The following ORC2 variants were observed in gnomAD, a reference collection of about 807,000 sequenced individuals.
ORC2 encodes origin recognition complex subunit 2.
ORC2 carries 37 observed loss-of-function variants against 77.7 expected under a neutral mutation model. The observed-to-expected ratio is 0.48, with a 90% CI of 0.37 to 0.63. The LOEUF is 0.63. Ranked by LOEUF, ORC2 falls within the 20% of genes least tolerant of loss-of-function variation. The pLI is 0.00. For missense variants in ORC2, 557 were observed against 661.9 expected, an observed-to-expected ratio of 0.84 and a Z score of 1.74; for synonymous variants, 201 against 229.5, an observed-to-expected ratio of 0.88 and a Z score of 1.12.
At chr2:200,924,854 G>A (rs1049910512) in intron 13 of ORC2, among the ~76,000 whole-genome samples, 1 of 152,036 alleles carries the variant, frequency 6.6e-6, no homozygotes, top group Non-Finnish European at 1.5e-5. Flanking sequence ...TGCCTCCCGG[G>A]CTCAAGCAAT....
intron 4 of ORC2, among the ~76,000 whole-genome samples, chr2:200,953,006 G>A (rs971717392): frequency 6.6e-6 from 1 of 151,284 alleles, no homozygotes; most frequent in African/African-American, 2.4e-5. Context: ...CAGCTACTCA[G>A]GAGGCTTAGG....
rs773669787 is a variant in ORC2 at position 200,954,883 on chromosome 2, GGAAT to G, written c.238+2514_238+2517del. The stretch of plus-strand genomic sequence containing the variant: ...AATAAGGCAAAGTTCCCCAGTGTGA[GGAAT>G]GAATGAATGAATGAATGAATAAATA... On this transcript the variant is annotated intron_variant, in intron 4 of 17. Transcript: ENST00000234296. Among the ~76,000 whole-genome samples the G allele has an allele frequency of 5.1e-3, 737 of 143,740 alleles. 7 individuals are homozygous for G. Among genetic ancestry groups the G allele is most frequent in the African/African-American group, 0.014 (558 of 38,636 alleles). 94.3% of individuals were successfully genotyped at this position (143,740 alleles called of 152,430 possible).
chr2:200,957,328 C>T, intron 4 of ORC2, 73 bp downstream of exon 4: 1 of 1,102,734 alleles, frequency 9.1e-7, no homozygotes, highest in Non-Finnish European at 1.3e-6. Flanking sequence ...ACCTACCAGA[C>T]TACTTTTGTG....
rs764397319 is a variant in ORC2, at chr2:200,926,950, G to A, written c.918-50C>T. ...AAATTAAACTTCAATACCTCTTATTGCCAATTTTATTATCAACCAGTTTCC... is the reference window on the plus strand; with the variant it reads ...AAATTAAACTTCAATACCTCTTATTACCAATTTTATTATCAACCAGTTTCC... On this transcript the variant is annotated intron_variant, in intron 11 of 17. Coordinates refer to ENST00000234296, the MANE Select transcript of ORC2 (RefSeq NM_006190.5). 4.5e-6 allele frequency: 7 copies of A among 1,552,280 alleles called. No homozygotes were observed. In the Admixed American group the frequency reaches 1.2e-4, roughly 27 times the overall value.
At chr2:200,948,437 T>A (rs999817148) in intron 5 of ORC2, among the ~76,000 whole-genome samples, 5 of 152,206 alleles carry the variant, frequency 3.3e-5, no homozygotes, top group African/African-American at 4.8e-5. Flanking sequence ...AACTGAAGTG[T>A]TAATTGGTAT....
intron 11 of ORC2, among the ~76,000 whole-genome samples, chr2:200,929,255 A>G (rs548620453): frequency 6.6e-6 from 1 of 152,294 alleles, no homozygotes; most frequent in Non-Finnish European, 1.5e-5. Flanking sequence ...CCAGCCAAGA[A>G]TGAGCATTTA....
At position 200,915,300 on chromosome 2, in the gene ORC2, A is replaced by C. The variant is rs181561855; in HGVS notation, c.1467-1308T>G. On this transcript the variant is annotated intron_variant, in intron 15 of 17. Transcript: ENST00000234296. ...TTCCCATGTCTTTAAAACTTCTCCT[A>C]AACAAGTTTTTCTTTTCTTTTTTTT... Among the ~76,000 whole-genome samples the C allele has an allele frequency of 1.3e-4, 20 of 151,578 alleles. No individual in the cohort carries two copies. The East Asian group carries it at 3.5e-3, about 26-fold the overall frequency.
At chr2:200,955,778 C>T (rs574521359) in intron 4 of ORC2, among the ~76,000 whole-genome samples, 2 of 152,302 alleles carry the variant, frequency 1.3e-5, no homozygotes, top group East Asian at 3.9e-4. Context: ...ATATTGATTT[C>T]TTTCCTTTGT....
In ORC2 at chr2:200,935,587, T is replaced by C. The variant is rs910000743; in HGVS notation, c.708+112A>G. 8 of 777,874 alleles carry C rather than the reference T, an allele frequency of 1.0e-5. No individual in the cohort carries two copies. The African/African-American group carries it at 1.4e-4, about 14-fold the overall frequency. The allele number at this position is 777,874 out of a possible 1,614,324, so 48.2% of individuals were successfully genotyped here. The stretch of plus-strand genomic sequence containing the variant: ...ATTTATGTGGAAGGCTGAGAAAATA[T>C]AGAAAAGTGAAGAAAAAATATTATT... On this transcript the variant is annotated intron_variant, in intron 9 of 17. Coordinates refer to ENST00000234296, the MANE Select transcript of ORC2 (RefSeq NM_006190.5).
intron 1 of ORC2, among the ~76,000 whole-genome samples, chr2:200,960,603 A>C (rs2041554041): frequency 6.6e-6 from 1 of 152,216 alleles, no homozygotes; most frequent in Non-Finnish European, 1.5e-5. Context: ...TTAAATCCTC[A>C]GATTCTCTGA....
Position 200,911,326 on chromosome 2 carries a change from A to G in ORC2, c.1709T>C (p.Leu570Ser). The change falls in exon 18 of 18, where the codon TTG becomes TCG. Residue 570 changes from leucine (L) to serine (S), a missense_variant. Physicochemically the swap from Leu to Ser is moderately radical, Grantham distance 145. Coordinates refer to ENST00000234296, the MANE Select transcript of ORC2 (RefSeq NM_006190.5). ...PVDNGTLTDF[L>S]EKEEEEA is the part of the protein sequence containing the mutation. ...TCAAGCCTCCTCTTCTTCCTTTTCC[A>G]AGAAATCAGTCAATGTTCCATTATC... 1.2e-6 allele frequency: 2 copies of G among 1,608,878 alleles called. No homozygotes were observed. Among genetic ancestry groups the G allele is most frequent in the Non-Finnish European group, 1.7e-6 (2 of 1,175,230 alleles).
chr2:200,943,092 T>C (rs2041184933), intron 5 of ORC2: 1 of 171,774 alleles, frequency 5.8e-6, no homozygotes. Flanking sequence ...TCTTACCATA[T>C]ATAGTTGAGG....
At chr2:200,937,751 C>T (rs2041073319) in intron 8 of ORC2, among the ~76,000 whole-genome samples, 155 bp downstream of exon 8, 1 of 152,208 alleles carries the variant, frequency 6.6e-6, no homozygotes, top group Non-Finnish European at 1.5e-5. Flanking sequence ...TATACACTGA[C>T]TACAATGTGA....
chr2:200,914,109 T>TG (rs1032943818), intron 15 of ORC2, 117 bp from the exon 16 acceptor site: 2 of 627,892 alleles, frequency 3.2e-6, no homozygotes, highest in Non-Finnish European at 5.6e-6. Flanking sequence ...CATTATCTTC[T>TG]GTTCCTCCAA....
intron 4 of ORC2, among the ~76,000 whole-genome samples, chr2:200,955,754 C>T (rs1259870542): frequency 1.3e-5 from 2 of 152,206 alleles, no homozygotes; most frequent in African/African-American, 4.8e-5. Context: ...TTCCAACTCT[C>T]CTAGTACCCA....
In ORC2 at chr2:200,929,045, G is replaced by T. The variant is rs117092045; in HGVS notation, c.918-2145C>A. Among the ~76,000 whole-genome samples the T allele has an allele frequency of 2.2e-4, 33 of 151,890 alleles. No individual in the cohort carries two copies. In the East Asian group the frequency reaches 4.7e-3, roughly 22 times the overall value. On this transcript the variant is annotated intron_variant, in intron 11 of 17. Transcript: ENST00000234296. Reference sequence around the variant, plus strand: ...GTGCGATTTTGGCTCACTGCCTCCCGCGTTCAAGCAATTCTCCTGCCTCAC... The same window carrying T: ...GTGCGATTTTGGCTCACTGCCTCCCTCGTTCAAGCAATTCTCCTGCCTCAC...
chr2:200,944,363 G>A (rs1436638443), intron 5 of ORC2, among the ~76,000 whole-genome samples: 1 of 151,976 alleles, frequency 6.6e-6, no homozygotes, highest in African/African-American at 2.4e-5. Context: ...TTAGTAGAGC[G>A]GGGGTTTCAC....
At chr2:200,936,316 G>A (rs1453242890) in intron 8 of ORC2, among the ~76,000 whole-genome samples, 2 of 152,144 alleles carry the variant, frequency 1.3e-5, no homozygotes, top group Non-Finnish European at 2.9e-5. Flanking sequence ...CCCAGCCTCT[G>A]CTCCAACTAT....
intron 16 of ORC2, 119 bp downstream of exon 16, chr2:200,913,812 A>G (rs1485556125): frequency 3.5e-6 from 5 of 1,441,918 alleles, no homozygotes; most frequent in Admixed American, 3.1e-5. Flanking sequence ...CATACCCATC[A>G]TGAGTGACCA....
Sources: allele counts gnomAD v4.1 joint callset (sites outside exome capture counted in the v4.1 genomes callset), GRCh38; gene constraint gnomAD v4.1.1; transcripts MANE v1.5; gene names NCBI Gene and HGNC (gene_info 2026-07-23, HGNC 2026-07-21).